CUL3: variants seen among roughly 807,000 people sequenced by gnomAD.
CUL3 encodes the protein cullin-3.
In CUL3, 19 loss-of-function variants were observed where a neutral mutation model predicts 89.1. The observed-to-expected ratio is 0.21, with a 90% CI of 0.15 to 0.31. The LOEUF (loss-of-function observed/expected upper bound fraction) is 0.31, where lower values mean the gene tolerates loss of function less well. CUL3 is among the 10% of genes least tolerant of loss of function. The pLI is 1.00. For missense variants in CUL3, 469 were observed against 942.3 expected (o/e 0.50, Z 6.58); for synonymous variants, 351 against 308.4 (o/e 1.14, Z -1.45).
At chr2:224,500,739 C>A (rs1289524276) in intron 10 of CUL3, among the ~76,000 whole-genome samples, 2 of 151,450 alleles carry the variant, frequency 1.3e-5, no homozygotes, top group Non-Finnish European at 2.9e-5. Context: ...GATTCTCCTG[C>A]CTCAGCTTCC....
At position 224,471,183 on chromosome 2, in the gene CUL3, T is replaced by C. The variant is rs1440492669; in HGVS notation, c.*3062A>G. 1.4e-5 allele frequency: 3 copies of C among 213,076 alleles called. No individual in the cohort carries two copies. Among genetic ancestry groups the C allele is most frequent in the Admixed American group, 5.8e-5 (1 of 17,118 alleles). 13.2% of individuals were successfully genotyped at this position (213,076 alleles called of 1,614,324 possible). A position where few individuals can be genotyped will look rare whatever the true frequency, so the allele number is the denominator to read the frequency against. On this transcript the variant is annotated 3_prime_UTR_variant, in exon 16 of 16. Coordinates refer to ENST00000264414, the MANE Select transcript of CUL3 (RefSeq NM_003590.5). Reference sequence around the variant, plus strand: ...AGAATGCAAAATACTATGCAACATATAGTAAAATACATGACCTACAATTGA... The same window carrying C: ...AGAATGCAAAATACTATGCAACATACAGTAAAATACATGACCTACAATTGA...
intron 13 of CUL3, among the ~76,000 whole-genome samples, chr2:224,484,106 G>A (rs1410034540): frequency 6.6e-6 from 1 of 152,076 alleles, no homozygotes; most frequent in African/African-American, 2.4e-5. Context: ...GGGAGGTCGA[G>A]GTTATAGTGA....
intron 2 of CUL3, among the ~76,000 whole-genome samples, chr2:224,545,914 TA>T (rs1694275430): frequency 6.6e-6 from 1 of 152,182 alleles, no homozygotes; most frequent in African/African-American, 2.4e-5. Flanking sequence ...AAAAATCACA[TA>T]AAATTTGACA....
chr2:224,562,197 A>G (rs1694923215), intron 1 of CUL3, among the ~76,000 whole-genome samples: 1 of 152,192 alleles, frequency 6.6e-6, no homozygotes, highest in Non-Finnish European at 1.5e-5. Flanking sequence ...TCACATATAT[A>G]CATCAAGAGC....
chr2:224,581,554 G>A (rs1695438229), intron 1 of CUL3, among the ~76,000 whole-genome samples: 1 of 149,200 alleles, frequency 6.7e-6, no homozygotes, highest in African/African-American at 2.5e-5. Context: ...CCAGGCTGGA[G>A]TGCAGTGGCA....
At chr2:224,519,330 C>T (rs534037489) in intron 3 of CUL3, among the ~76,000 whole-genome samples, 48 of 152,202 alleles carry the variant, frequency 3.2e-4, no homozygotes, top group African/African-American at 1.1e-3. Context: ...TTCCAAAATC[C>T]CCCCAAAATG....
At chr2:224,567,558 T>C (rs1386068131) in intron 1 of CUL3, among the ~76,000 whole-genome samples, 1 of 151,814 alleles carries the variant, frequency 6.6e-6, no homozygotes, top group African/African-American at 2.4e-5. Flanking sequence ...GCTAACACGG[T>C]GAAACCCCAT....
intron 8 of CUL3, 118 bp from the exon 9 acceptor site, chr2:224,503,940 C>A (rs1553521424): frequency 1.3e-6 from 1 of 748,532 alleles, no homozygotes; most frequent in African/African-American, 1.8e-5. Context: ...GGTTGACATA[C>A]ATCAAAAAAA....
At chr2:224,499,063 G>C (rs150880830) in intron 11 of CUL3, among the ~76,000 whole-genome samples, 1 of 152,114 alleles carries the variant, frequency 6.6e-6, no homozygotes, top group Non-Finnish European at 1.5e-5. Context: ...TTAAAAATAC[G>C]TATCTCCTGG....
chr2:224,481,752 A>C (rs1691546838), intron 14 of CUL3, 140 bp downstream of exon 14: 1 of 516,368 alleles, frequency 1.9e-6, no homozygotes, highest in Admixed American at 4.2e-5. Flanking sequence ...CTTATCAATA[A>C]AAGCTGCTTT....
In CUL3 at chr2:224,475,603, T is replaced by C. The variant is rs548925851; in HGVS notation, c.2176-1227A>G. On this transcript the variant is annotated intron_variant, in intron 15 of 15. Transcript: ENST00000264414. ...TTCTGCAACTACAATTTATCGCCCT[T>C]CCAGGATTACCACTCCTGTATCGAC... Among the ~76,000 whole-genome samples the C allele has an allele frequency of 5.7e-4, 87 of 152,302 alleles. 1 individual carries two copies. Among genetic ancestry groups the C allele is most frequent in the Admixed American group, 1.5e-3 (23 of 15,304 alleles).
chr2:224,488,007 T>C (rs1691803917), intron 13 of CUL3, among the ~76,000 whole-genome samples: 1 of 151,982 alleles, frequency 6.6e-6, no homozygotes, highest in Non-Finnish European at 1.5e-5. Flanking sequence ...AGTGGGTAAA[T>C]AACACAATGA....
chr2:224,581,811 G>A (rs1022161976), intron 1 of CUL3, among the ~76,000 whole-genome samples: 4 of 151,796 alleles, frequency 2.6e-5, no homozygotes, highest in Admixed American at 6.6e-5. Context: ...GAATCACCTT[G>A]CCCGGCCGAG....
rs1574709237 is a variant in CUL3 at position 224,576,600 on chromosome 2, A to G, written c.66+8344T>C. Among the ~76,000 whole-genome samples the G allele has an allele frequency of 2.7e-5, 4 of 146,638 alleles. No homozygotes were observed. In the South Asian group the frequency reaches 9.0e-4, roughly 33 times the overall value. On this transcript the variant is annotated intron_variant, in intron 1 of 15. Coordinates refer to ENST00000264414, the MANE Select transcript of CUL3 (RefSeq NM_003590.5). ...CAATCATTCACTAACCACTCACACT[A>G]TGCTAAATGCTGCATGGTTCAAAAC...
chr2:224,492,622 C>T (rs1255560702), intron 13 of CUL3, among the ~76,000 whole-genome samples: 1 of 152,150 alleles, frequency 6.6e-6, no homozygotes, highest in Non-Finnish European at 1.5e-5. Flanking sequence ...TCACAATAAA[C>T]TTACCTTTAG....
At chr2:224,516,767 C>T (rs551811128) in intron 3 of CUL3, among the ~76,000 whole-genome samples, 11 of 151,846 alleles carry the variant, frequency 7.2e-5, no homozygotes, top group African/African-American at 1.7e-4. Context: ...CTGCCTCAGC[C>T]GCCCAAGTAG....
At chr2:224,479,859 T>A (rs553027324) in intron 14 of CUL3, 1 of 152,170 alleles carries the variant, frequency 6.6e-6, no homozygotes, top group Admixed American at 6.5e-5. Context: ...GTTTAAACAA[T>A]CCCTTTGGCT....
intron 1 of CUL3, among the ~76,000 whole-genome samples, chr2:224,567,859 AC>A (rs1329896326): frequency 1.3e-5 from 2 of 152,146 alleles, no homozygotes; most frequent in Admixed American, 1.3e-4. Context: ...GCACACCATG[AC>A]CCTGTTCAAA....
Position 224,522,827 on chromosome 2 carries a change from C to CAAAAAAAA in CUL3, c.379-8056_379-8055insTTTTTTTT, listed in dbSNP as rs777324032. Among the ~76,000 whole-genome samples, 216 of 147,540 alleles carry CAAAAAAAA rather than the reference C, an allele frequency of 1.5e-3. 3 individuals carry two copies. The South Asian group carries it at 0.034, about 23-fold the overall frequency. ...TGGGTGACAGCGTGAGACACCGTCT[C>CAAAAAAAA]AAAAAAACAATCCTTCTCAGGGGTC... is the stretch of plus-strand genomic sequence containing the variant. On this transcript the variant is annotated intron_variant, in intron 3 of 15. Coordinates refer to ENST00000264414, the MANE Select transcript of CUL3 (RefSeq NM_003590.5).
Sources: gnomAD v4.1 joint callset for allele counts (sites outside exome capture counted in the v4.1 genomes callset) on GRCh38, gnomAD v4.1.1 for gene constraint, MANE v1.5 for transcripts, NCBI Gene and HGNC (gene_info 2026-07-23, HGNC 2026-07-21) for gene names.